Variants in METTL4 observed in about 807,000 individuals in gnomAD.
The protein encoded by METTL4 is N(6)-adenine-specific methyltransferase METTL4.
In METTL4, 40 loss-of-function variants were observed where a neutral mutation model predicts 54.0. That is an observed-to-expected ratio of 0.74 (90% CI 0.58 to 0.96). The LOEUF is 0.96. Ranked by LOEUF, METTL4 falls within the 50% of genes least tolerant of loss-of-function variation. The pLI is 0.00. For missense variants in METTL4, 525 were observed against 549.0 expected (o/e 0.96, Z 0.44); for synonymous variants, 169 against 183.8 (o/e 0.92, Z 0.65).
chr18:2,556,837 G>T (rs999888543), intron 3 of METTL4, among the ~76,000 whole-genome samples: 1 of 151,982 alleles, frequency 6.6e-6, no homozygotes, highest in Non-Finnish European at 1.5e-5. Flanking sequence ...GGAGGTGGGG[G>T]TCAGGGGAGG....
At chr18:2,567,768 C>A (rs557514320) in intron 1 of METTL4, 114 bp from the exon 2 acceptor site, 4 of 152,382 alleles carry the variant, frequency 2.6e-5, no homozygotes, top group Admixed American at 2.6e-4. Flanking sequence ...GGTAATCCCT[C>A]GTTTTTGCAA....
Position 2,539,095 on chromosome 18 carries a change from C to G in METTL4, c.1324G>C (p.Ala442Pro). Residue 442 changes from alanine (A) to proline (P), a missense_variant, in exon 9 of 9, where the codon GCT becomes CCT. Transcript: ENST00000574538. ...GTCCAACCTGGCTGTAAATTTCGAG[C>G]AAACAACTCCAAATATTCCCCATCT... ...KPDGEYLELFARNLQPGWTSW... is the reference protein window; with the variant it reads ...KPDGEYLELFPRNLQPGWTSW... The G allele has an allele frequency of 6.2e-7, 1 of 1,613,940 alleles. No homozygotes were observed. Among genetic ancestry groups the G allele is most frequent in the Admixed American group, 1.7e-5 (1 of 60,028 alleles).
intron 7 of METTL4, 116 bp from the exon 8 acceptor site, chr18:2,544,402 C>T: frequency 2.8e-6 from 2 of 725,238 alleles, no homozygotes; most frequent in Non-Finnish European, 4.4e-6. Context: ...ACAAATTTTA[C>T]AATCAATGAA....
intron 8 of METTL4, chr18:2,539,833 A>T (rs954150635): frequency 3.4e-5 from 30 of 881,430 alleles, no homozygotes; most frequent in Non-Finnish European, 3.9e-5. Flanking sequence ...TCTAAAAAAA[A>T]TTGAAAAACA....
intron 2 of METTL4, among the ~76,000 whole-genome samples, chr18:2,564,616 C>A: frequency 6.6e-6 from 1 of 152,156 alleles, no homozygotes; most frequent in East Asian, 1.9e-4. Flanking sequence ...GGACTTAGTA[C>A]TTTTTATGGC....
chr18:2,547,285 CA>C, intron 6 of METTL4, 69 bp downstream of exon 6: 2 of 1,302,714 alleles, frequency 1.5e-6, no homozygotes, highest in Non-Finnish European at 2.1e-6. Flanking sequence ...TTGAGCATTA[CA>C]AAGTAGATGC....
Position 2,556,008 on chromosome 18 carries a change from A to G in METTL4, c.460-970T>C, listed in dbSNP as rs145826101. On this transcript the variant is annotated intron_variant, in intron 3 of 8. Transcript: ENST00000574538. Reference sequence around the variant, plus strand: ...TAGTCTCTCTGAGTTAAGGAGATGGAGCTTGGAGTCTAGAAAGGCCAAGGA... The same window carrying G: ...TAGTCTCTCTGAGTTAAGGAGATGGGGCTTGGAGTCTAGAAAGGCCAAGGA... 2.0e-3 allele frequency among the ~76,000 whole-genome samples: 310 copies of G among 152,292 alleles called. 2 individuals carry two copies. The highest frequency in any genetic ancestry group is 7.0e-3 in the African/African-American group (289 of 41,560).
chr18:2,567,222 T>C lies in METTL4; in HGVS notation c.-6A>G, dbSNP rs747213748. The C allele has an allele frequency of 1.3e-5, 20 of 1,555,950 alleles. No homozygotes were observed. Among genetic ancestry groups the C allele is most frequent in the Non-Finnish European group, 1.7e-5 (20 of 1,153,240 alleles). On this transcript the variant is annotated 5_prime_UTR_variant, in exon 2 of 9. Transcript: ENST00000574538. The stretch of plus-strand genomic sequence containing the variant: ...AACTGGTGTACCACAGACATTCCCT[T>C]CCTTTAAAAAAGCCTCTGGGAATTA...
intron 2 of METTL4, 34 bp from the exon 3 acceptor site, chr18:2,563,893 T>G: frequency 6.6e-7 from 1 of 1,517,008 alleles, no homozygotes; most frequent in South Asian, 1.2e-5. Context: ...GGAAAAGTTA[T>G]GTTGCCATTA....
intron 2 of METTL4, among the ~76,000 whole-genome samples, chr18:2,565,602 C>T (rs1207784586): frequency 6.6e-6 from 1 of 152,038 alleles, no homozygotes; most frequent in Non-Finnish European, 1.5e-5. Context: ...TATTACTTTC[C>T]TTATTCTAAT....
In METTL4 at chr18:2,552,745, T is replaced by G. The variant is rs746833388; in HGVS notation, c.849A>C (p.Val283=). The stretch of plus-strand genomic sequence containing the variant: ...TCTGCCATGGTGGATCTATCACAAT[T>G]ACATCAAATGTTTTCCTATCTGAAA... ...PLLNYRKTFD[V]IVIDPPWQNK... Residue 283 remains valine (V), a synonymous_variant, in exon 5 of 9, where the codon GTA becomes GTC. Transcript: ENST00000574538. 13 of 1,610,400 alleles carry G rather than the reference T, an allele frequency of 8.1e-6. No homozygotes were observed. The South Asian group carries it at 1.3e-4, about 16-fold the overall frequency.
At chr18:2,547,666 C>A (rs1567960599) in intron 5 of METTL4, 137 bp from the exon 6 acceptor site, 2 of 582,026 alleles carry the variant, frequency 3.4e-6, no homozygotes, top group South Asian at 4.0e-5. Context: ...AAATATAAAG[C>A]CACAGTGACA....
chr18:2,560,739 C>T (rs922405324), intron 3 of METTL4, among the ~76,000 whole-genome samples: 5 of 151,958 alleles, frequency 3.3e-5, no homozygotes, highest in Non-Finnish European at 1.5e-5. Context: ...ATTAGCTGGG[C>T]GTAGTGGCGG....
intron 5 of METTL4, among the ~76,000 whole-genome samples, chr18:2,549,565 C>T (rs1271085412): frequency 6.6e-6 from 1 of 152,062 alleles, no homozygotes; most frequent in Admixed American, 6.6e-5. Flanking sequence ...TCCAATGAGA[C>T]TTTTACCACT....
At chr18:2,558,366 A>G (rs1019229135) in intron 3 of METTL4, among the ~76,000 whole-genome samples, 2 of 152,222 alleles carry the variant, frequency 1.3e-5, no homozygotes, top group Non-Finnish European at 2.9e-5. Context: ...TAAATAATTC[A>G]TATAGGTCAA....
intron 3 of METTL4, among the ~76,000 whole-genome samples, chr18:2,560,864 C>T (rs879760876): frequency 5.3e-5 from 8 of 151,840 alleles, no homozygotes; most frequent in Admixed American, 1.3e-4. Context: ...GGCGACAGAG[C>T]GAGACTCTGT....
At chr18:2,547,806 A>AT (rs1470136564) in intron 5 of METTL4, among the ~76,000 whole-genome samples, 4 of 151,950 alleles carry the variant, frequency 2.6e-5, no homozygotes, top group Non-Finnish European at 4.4e-5. Flanking sequence ...TATTAACAAT[A>AT]TTTTTTTCTC....
chr18:2,565,862 A>G (rs1183873938), intron 2 of METTL4, among the ~76,000 whole-genome samples: 1 of 152,098 alleles, frequency 6.6e-6, no homozygotes, highest in Non-Finnish European at 1.5e-5. Flanking sequence ...CTGGCTTAAC[A>G]CAGTGAAGCC....
rs1166795751 is a variant in METTL4, at chr18:2,538,787, A to G, written c.*213T>C. On this transcript the variant is annotated 3_prime_UTR_variant, in exon 9 of 9. Coordinates refer to ENST00000574538, the MANE Select transcript of METTL4 (RefSeq NM_022840.5). ...TAACTGCTTACCACTTAATTTGTATAGTCTAGAATAACATAGAATGTTAGT... is the reference window on the plus strand; with the variant it reads ...TAACTGCTTACCACTTAATTTGTATGGTCTAGAATAACATAGAATGTTAGT... 1 of 530,200 alleles carries G rather than the reference A, an allele frequency of 1.9e-6. No individual in the cohort carries two copies. The highest frequency in any genetic ancestry group is 3.0e-5 in the East Asian group (1 of 33,532). The allele number at this position is 530,200 out of a possible 1,614,324, so 32.8% of individuals were successfully genotyped here. A position where few individuals can be genotyped will look rare whatever the true frequency, so the allele number is the denominator to read the frequency against.
Sources: gnomAD v4.1 joint callset for allele counts (sites outside exome capture counted in the v4.1 genomes callset) on GRCh38, gnomAD v4.1.1 for gene constraint, MANE v1.5 for transcripts, NCBI Gene and HGNC (gene_info 2026-07-23, HGNC 2026-07-21) for gene names.